HNRNPC: variants seen among roughly 807,000 people sequenced by gnomAD.
HNRNPC encodes the protein heterogeneous nuclear ribonucleoproteins C1/C2.
HNRNPC carries 3 observed loss-of-function variants against 33.2 expected under a neutral mutation model. The ratio of observed to expected loss-of-function variants is 0.09; its 90% CI spans 0.04 to 0.23. HNRNPC has a LOEUF of 0.23. Among genes scored for constraint, HNRNPC ranks in the 10% least tolerant of loss-of-function variants. The pLI, the probability that HNRNPC is intolerant of heterozygous loss-of-function variation, is 1.00. For missense variants in HNRNPC, 143 were observed against 366.7 expected (o/e 0.39, Z 4.98); for synonymous variants, 121 against 126.7 (o/e 0.96, Z 0.30).
intron 2 of HNRNPC, among the ~76,000 whole-genome samples, chr14:21,259,621 G>C (rs534460856): frequency 6.6e-6 from 1 of 152,170 alleles, no homozygotes; most frequent in Admixed American, 6.5e-5. Flanking sequence ...TGCCAAATCT[G>C]TGTTCTTGTC....
chr14:21,234,475 GAA>G (rs200122070), intron 2 of HNRNPC, among the ~76,000 whole-genome samples: 1 of 150,854 alleles, frequency 6.6e-6, no homozygotes, highest in Admixed American at 6.6e-5. Context: ...AAATTCTCAG[GAA>G]AAAAAAATTC....
intron 2 of HNRNPC, among the ~76,000 whole-genome samples, chr14:21,256,185 G>A (rs1183433283): frequency 6.6e-6 from 1 of 152,162 alleles, no homozygotes; most frequent in Non-Finnish European, 1.5e-5. Flanking sequence ...GGTGGATCAC[G>A]CCTGTAATCC....
At chr14:21,237,162 G>A (rs1451538359) in intron 2 of HNRNPC, among the ~76,000 whole-genome samples, 4 of 152,190 alleles carry the variant, frequency 2.6e-5, no homozygotes, top group Non-Finnish European at 4.4e-5. Context: ...AGTCTCATAA[G>A]TAAACAAACC....
intron 5 of HNRNPC, among the ~76,000 whole-genome samples, chr14:21,222,685 G>GATCAAGACC (rs1892966726): frequency 6.6e-6 from 1 of 152,108 alleles, no homozygotes; most frequent in African/African-American, 2.4e-5. Flanking sequence ...GAGGTCAGGA[G>GATCAAGACC]ATCAAGACCA....
chr14:21,240,792 C>G (rs1245595241), intron 2 of HNRNPC, among the ~76,000 whole-genome samples: 2 of 152,174 alleles, frequency 1.3e-5, no homozygotes, highest in Non-Finnish European at 2.9e-5. Context: ...GGCCACCTCT[C>G]CACATGGGTT....
rs147840941 is a variant in HNRNPC, at chr14:21,226,110, G to A, written c.365+4209C>T. On this transcript the variant is annotated intron_variant, in intron 5 of 8. Transcript: ENST00000553300. ...AGGTGGATGGATCATGAAGTCAGGT[G>A]AGGAGTTTGAGACCAGTCTGGCCAA... is the stretch of plus-strand genomic sequence containing the variant. Among the ~76,000 whole-genome samples, 236 of 151,984 alleles carry A rather than the reference G, an allele frequency of 1.6e-3. 2 individuals are homozygous for A. The highest frequency in any genetic ancestry group is 4.0e-3 in the African/African-American group (165 of 41,418).
Position 21,211,313 on chromosome 14 carries a change from GAAAC to G in HNRNPC, c.799-11_799-8del. On this transcript the variant is annotated splice_polypyrimidine_tract_variant and splice_region_variant and intron_variant, in intron 8 of 8. Transcript: ENST00000553300. ...CATCCTTGATCAACTCCAGCTGTGA[GAAAC>G]AGACACAAACAGGATGGAGTTAGAG... 1 of 1,613,470 alleles carries G rather than the reference GAAAC, an allele frequency of 6.2e-7. No homozygotes were observed. The highest frequency in any genetic ancestry group is 8.5e-7 in the Non-Finnish European group (1 of 1,179,580).
intron 2 of HNRNPC, among the ~76,000 whole-genome samples, chr14:21,239,365 A>C (rs987423091): frequency 6.6e-6 from 1 of 152,228 alleles, no homozygotes; most frequent in African/African-American, 2.4e-5. Flanking sequence ...CTGTAGTCCC[A>C]GCTATTCGGG....
At chr14:21,216,913 C>G (rs541307448) in intron 5 of HNRNPC, among the ~76,000 whole-genome samples, 1 of 152,082 alleles carries the variant, frequency 6.6e-6, no homozygotes, top group Non-Finnish European at 1.5e-5. Context: ...ACAATAAATC[C>G]GTTAAACTAG....
At chr14:21,267,655 G>A (rs1026924366) in intron 1 of HNRNPC, among the ~76,000 whole-genome samples, 4 of 152,086 alleles carry the variant, frequency 2.6e-5, no homozygotes, top group Admixed American at 2.6e-4. Flanking sequence ...AACACACCTA[G>A]AATTGTGATA....
At chr14:21,237,816 G>GGATGGAGTGC (rs1894882849) in intron 2 of HNRNPC, among the ~76,000 whole-genome samples, 2 of 152,070 alleles carry the variant, frequency 1.3e-5, no homozygotes, top group South Asian at 4.2e-4. Context: ...TCGTTGCCAA[G>GGATGGAGTGC]GATGGAGTGC....
At chr14:21,267,378 C>A (rs17103007) in intron 1 of HNRNPC, among the ~76,000 whole-genome samples, 1 of 152,140 alleles carries the variant, frequency 6.6e-6, no homozygotes, top group African/African-American at 2.4e-5. Flanking sequence ...GAGCAACTAG[C>A]TATTTTGGAG....
At chr14:21,243,711 T>C (rs1418826745) in intron 2 of HNRNPC, among the ~76,000 whole-genome samples, 1 of 152,186 alleles carries the variant, frequency 6.6e-6, no homozygotes, top group South Asian at 2.1e-4. Context: ...TATATCTGTA[T>C]TCATTAATCA....
At chr14:21,256,881 T>C (rs1316926702) in intron 2 of HNRNPC, among the ~76,000 whole-genome samples, 3 of 152,096 alleles carry the variant, frequency 2.0e-5, no homozygotes, top group Admixed American at 6.6e-5. Context: ...CTCAAACCCC[T>C]GAGCTCAAGC....
rs868865493 is a variant in HNRNPC, at chr14:21,237,839, T to C, written c.-36-3610A>G. Among the ~76,000 whole-genome samples the C allele has an allele frequency of 2.0e-5, 3 of 152,132 alleles. No homozygotes were observed. In the South Asian group the frequency reaches 6.2e-4, roughly 31 times the overall value. On this transcript the variant is annotated intron_variant, in intron 2 of 8. Coordinates refer to ENST00000553300, the MANE Select transcript of HNRNPC (RefSeq NM_004500.4). The stretch of plus-strand genomic sequence containing the variant: ...AAGGATGGAGTGCAATGGAGCAATC[T>C]TGGCTCACTGCAACCTACGCCTCCC...
rs541923698 is a variant in HNRNPC at position 21,228,855 on chromosome 14, C to T, written c.365+1464G>A. Reference sequence around the variant, plus strand: ...ATCCCAGCACTTTGGGAGGTCAAGGCGAGTAGATCACCTCAGTTCAGGAGT... The same window carrying T: ...ATCCCAGCACTTTGGGAGGTCAAGGTGAGTAGATCACCTCAGTTCAGGAGT... On this transcript the variant is annotated intron_variant, in intron 5 of 8. Transcript: ENST00000553300. 1.6e-4 allele frequency among the ~76,000 whole-genome samples: 24 copies of T among 151,622 alleles called. No homozygotes were observed. In the East Asian group the frequency reaches 4.1e-3, roughly 26 times the overall value.
intron 5 of HNRNPC, among the ~76,000 whole-genome samples, chr14:21,227,528 G>A (rs1304679498): frequency 6.6e-6 from 1 of 152,154 alleles, no homozygotes; most frequent in African/African-American, 2.4e-5. Flanking sequence ...TTGCGGTTTT[G>A]CTTTTTACCG....
At chr14:21,241,043 G>T (rs1429229640) in intron 2 of HNRNPC, among the ~76,000 whole-genome samples, 1 of 152,084 alleles carries the variant, frequency 6.6e-6, no homozygotes, top group Non-Finnish European at 1.5e-5. Context: ...GGCCGAGGTG[G>T]GTAGATCATG....
chr14:21,239,544 A>G (rs1895113311), intron 2 of HNRNPC, among the ~76,000 whole-genome samples: 1 of 152,032 alleles, frequency 6.6e-6, no homozygotes, highest in Non-Finnish European at 1.5e-5. Flanking sequence ...TCAACATGTC[A>G]TGAAAAGCTC....
Sources: gnomAD v4.1 joint callset for allele counts (sites outside exome capture counted in the v4.1 genomes callset) on GRCh38, gnomAD v4.1.1 for gene constraint, MANE v1.5 for transcripts, NCBI Gene and HGNC (gene_info 2026-07-23, HGNC 2026-07-21) for gene names.